The following CPSF2 variants were observed in gnomAD, a reference collection of about 807,000 sequenced individuals.
CPSF2 encodes the protein cleavage and polyadenylation specific factor 2, also known as cleavage and polyadenylation specificity factor subunit 2.
CPSF2 carries 51 observed loss-of-function variants against 84.2 expected under a neutral mutation model. That is an observed-to-expected ratio of 0.61 (90% CI 0.48 to 0.77). The LOEUF (loss-of-function observed/expected upper bound fraction) is 0.77, where lower values mean the gene tolerates loss of function less well. CPSF2 is among the 30% of genes least tolerant of loss of function. The pLI, the probability that CPSF2 is intolerant of heterozygous loss-of-function variation, is 0.00. For synonymous variants in CPSF2, 286 were observed against 311.9 expected (o/e 0.92, Z 0.87); for missense variants, 641 against 929.4 (o/e 0.69, Z 4.03).
chr14:92,143,337 G>C (rs749647762), intron 9 of CPSF2, 43 bp downstream of exon 9: 5 of 1,261,786 alleles, frequency 4.0e-6, no homozygotes, highest in African/African-American at 1.5e-5. Flanking sequence ...CTGTTTGGGG[G>C]ATACATTGTG....
chr14:92,141,551 C>T (rs554167434), intron 7 of CPSF2, among the ~76,000 whole-genome samples: 7 of 152,078 alleles, frequency 4.6e-5, no homozygotes, highest in Non-Finnish European at 7.4e-5. Flanking sequence ...TGGTCTTGAA[C>T]TCCTGGACTC....
Position 92,155,038 on chromosome 14 carries a change from T to G in CPSF2, c.1242-85T>G, listed in dbSNP as rs1431767160. The G allele has an allele frequency of 1.3e-5, 11 of 863,738 alleles. No homozygotes were observed. In the East Asian group the frequency reaches 1.3e-4, roughly 11 times the overall value. 53.5% of individuals were successfully genotyped at this position (863,738 alleles called of 1,614,324 possible). ...TTAATATTGAATTAATAATATTGAG[T>G]ATGGATTCAGTAATAAATTGATAAA... On this transcript the variant is annotated intron_variant, in intron 10 of 15. Transcript: ENST00000298875.
intron 9 of CPSF2, among the ~76,000 whole-genome samples, chr14:92,145,751 T>A (rs1220721994): frequency 6.6e-6 from 1 of 152,202 alleles, no homozygotes; most frequent in Admixed American, 6.5e-5. Flanking sequence ...AAAAATGGTT[T>A]AAGTTTGGAA....
intron 2 of CPSF2, among the ~76,000 whole-genome samples, chr14:92,130,411 A>C (rs550160150): frequency 6.6e-6 from 1 of 152,336 alleles, no homozygotes; most frequent in East Asian, 1.9e-4. Context: ...ATACAGTGAA[A>C]TCAGTGCCAT....
intron 13 of CPSF2, among the ~76,000 whole-genome samples, chr14:92,158,555 G>A (rs879726886): frequency 2.0e-5 from 3 of 152,168 alleles, no homozygotes; most frequent in Admixed American, 2.0e-4. Flanking sequence ...GAAAGGACAA[G>A]CAGTTCAGTA....
At chr14:92,134,818 A>G (rs1313973391) in intron 5 of CPSF2, among the ~76,000 whole-genome samples, 3 of 152,214 alleles carry the variant, frequency 2.0e-5, no homozygotes, top group Non-Finnish European at 2.9e-5. Context: ...TTTATCATCT[A>G]CAGAGATAAT....
rs924854913 is a variant in CPSF2 at position 92,167,212 on chromosome 14, A to G, written c.*5468A>G. On this transcript the variant is annotated 3_prime_UTR_variant, in exon 16 of 16. Transcript: ENST00000298875. ...TTTTTAATAGAGATGAGGTTTCATC[A>G]TGCTGACCAGGCTGGTCTCGAACTC... 2 of 151,868 alleles carry G rather than the reference A, an allele frequency of 1.3e-5. No homozygotes were observed. The highest frequency in any genetic ancestry group is 4.8e-5 in the African/African-American group (2 of 41,298). 9.4% of individuals were successfully genotyped at this position (151,868 alleles called of 1,614,324 possible).
rs371213615 is a variant in CPSF2 at position 92,135,387 on chromosome 14, A to C, written c.436A>C (p.Ile146Leu). The C allele has an allele frequency of 6.2e-7, 1 of 1,613,488 alleles. No homozygotes were observed. Among genetic ancestry groups the C allele is most frequent in the South Asian group, 1.1e-5 (1 of 90,940 alleles). ...CATAGGTAAAGGACATGGCCTGTCT[A>C]TCACACCTCTGCCAGCTGGTCATAT... ...NLKGKGHGLS[I>L]TPLPAGHMIG... is the part of the protein sequence containing the mutation. The change falls in exon 6 of 16, where the codon ATC (isoleucine) becomes CTC (leucine). Residue 146 changes from isoleucine (I) to leucine (L), a missense_variant. This residue lies in a region of CPSF2 where 211 missense variants were observed against 375.7 expected (regional missense o/e 0.56). Transcript: ENST00000298875.
chr14:92,160,196 C>G (rs1293500754), intron 14 of CPSF2, among the ~76,000 whole-genome samples: 3 of 152,238 alleles, frequency 2.0e-5, no homozygotes, highest in Non-Finnish European at 4.4e-5. Context: ...CTCCTGACCT[C>G]AGGTGATCCA....
chr14:92,140,280 C>T (rs536150843), intron 7 of CPSF2, among the ~76,000 whole-genome samples: 7 of 151,762 alleles, frequency 4.6e-5, no homozygotes, highest in East Asian at 2.0e-4. Flanking sequence ...AATAATATAC[C>T]GTGTTGCACC....
At chr14:92,134,620 A>G (rs1188355109) in intron 5 of CPSF2, among the ~76,000 whole-genome samples, 1 of 152,258 alleles carries the variant, frequency 6.6e-6, no homozygotes, top group Non-Finnish European at 1.5e-5. Flanking sequence ...TACAATAAAC[A>G]AAAGATAATG....
In CPSF2 at chr14:92,167,910, T is replaced by C. The variant is rs1353068669; in HGVS notation, c.*6166T>C. On this transcript the variant is annotated 3_prime_UTR_variant, in exon 16 of 16. Coordinates refer to ENST00000298875, the MANE Select transcript of CPSF2 (RefSeq NM_017437.3). ...ATTGCAGGTTTTTTTTTTTTTTTTT[T>C]CTGGTAACCATAGAATGAATGTAGA... 1 of 145,684 alleles carries C rather than the reference T, an allele frequency of 6.9e-6. No individual in the cohort carries two copies. Among genetic ancestry groups the C allele is most frequent in the African/African-American group, 2.5e-5 (1 of 39,304 alleles). The allele number at this position is 145,684 out of a possible 1,614,324, so 9.0% of individuals were successfully genotyped here. A position where few individuals can be genotyped will look rare whatever the true frequency, so the allele number is the denominator to read the frequency against.
At position 92,138,277 on chromosome 14, in the gene CPSF2, A is replaced by C; in HGVS notation, c.591A>C (p.Leu197=). ...CSLEMLSRPS[L]LITDSFNATY... is the part of the protein sequence containing the mutation. ...TGGAAATGCTAAGCAGGCCTTCCCT[A>C]CTTATCACAGATTCATTCAATGCTA... Residue 197 remains leucine (L), a synonymous_variant, in exon 7 of 16, where the codon CTA becomes CTC. Transcript: ENST00000298875. The C allele has an allele frequency of 6.2e-7, 1 of 1,608,318 alleles. No individual in the cohort carries two copies. The highest frequency in any genetic ancestry group is 1.1e-5 in the South Asian group (1 of 89,952).
rs2069387910 is a variant in CPSF2, at chr14:92,162,462, T to A, written c.*718T>A. 1 of 152,486 alleles carries A rather than the reference T, an allele frequency of 6.6e-6. No homozygotes were observed. The highest frequency in any genetic ancestry group is 2.4e-5 in the African/African-American group (1 of 41,462). The allele number at this position is 152,486 out of a possible 1,614,324, so 9.4% of individuals were successfully genotyped here. Reference sequence around the variant, plus strand: ...AGAACTACTTGATGCAGTATAGTCTTAAGGGTTCTGCATACATTTTAGAAA... The same window carrying A: ...AGAACTACTTGATGCAGTATAGTCTAAAGGGTTCTGCATACATTTTAGAAA... On this transcript the variant is annotated 3_prime_UTR_variant, in exon 16 of 16. Transcript: ENST00000298875.
chr14:92,153,703 CT>C (rs35788212), intron 9 of CPSF2, among the ~76,000 whole-genome samples: 235 of 131,258 alleles, frequency 1.8e-3, no homozygotes, highest in East Asian at 4.7e-3. Flanking sequence ...CCACTACTGG[CT>C]TTTTTTTTTT....
In CPSF2 at chr14:92,138,226, T is replaced by C. The variant is rs768920191; in HGVS notation, c.546-6T>C. The C allele has an allele frequency of 2.0e-6, 3 of 1,472,744 alleles. No individual in the cohort carries two copies. Among genetic ancestry groups the C allele is most frequent in the Non-Finnish European group, 2.8e-6 (3 of 1,066,958 alleles). The allele number at this position is 1,472,744 out of a possible 1,614,324, so 91.2% of individuals were successfully genotyped here. On this transcript the variant is annotated splice_polypyrimidine_tract_variant and splice_region_variant and intron_variant, in intron 6 of 15. Transcript: ENST00000298875. Reference sequence around the variant, plus strand: ...AAAATATTCCTCTTCTTAAACTTTCTTATAGCCATTTAAATGGATGTTCCC... The same window carrying C: ...AAAATATTCCTCTTCTTAAACTTTCCTATAGCCATTTAAATGGATGTTCCC...
intron 3 of CPSF2, 125 bp from the exon 4 acceptor site, chr14:92,133,886 A>G: frequency 1.2e-6 from 1 of 859,706 alleles, no homozygotes; most frequent in Non-Finnish European, 1.8e-6. Flanking sequence ...TCATAATTTT[A>G]GCTCTTAGTT....
intron 3 of CPSF2, 107 bp downstream of exon 3, chr14:92,131,240 G>C (rs2068923949): frequency 3.6e-6 from 3 of 822,606 alleles, no homozygotes; most frequent in Non-Finnish European, 3.6e-6. Context: ...CTAGTTTATA[G>C]CAAAAGGCTT....
intron 9 of CPSF2, among the ~76,000 whole-genome samples, chr14:92,143,880 C>A (rs2069111952): frequency 6.6e-6 from 1 of 152,100 alleles, no homozygotes; most frequent in African/African-American, 2.4e-5. Flanking sequence ...CTAGTTTACC[C>A]AGAGGGTAAG....
Sources: allele counts gnomAD v4.1 joint callset (sites outside exome capture counted in the v4.1 genomes callset), GRCh38; gene constraint gnomAD v4.1.1; regional missense constraint gnomAD v4.1.1; transcripts MANE v1.5; gene names NCBI Gene and HGNC (gene_info 2026-07-23, HGNC 2026-07-21).